The following ITPR3 variants were observed in gnomAD, a reference collection of about 807,000 sequenced individuals.
ITPR3 encodes the protein inositol 1,4,5-trisphosphate-gated calcium channel ITPR3.
ITPR3 carries 173 observed loss-of-function variants against 293.2 expected under a neutral mutation model. The ratio of observed to expected loss-of-function variants is 0.59; its 90% CI spans 0.52 to 0.67. The LOEUF (loss-of-function observed/expected upper bound fraction) is 0.67, where lower values mean the gene tolerates loss of function less well. Among genes scored for constraint, ITPR3 ranks in the 30% least tolerant of loss-of-function variants. ITPR3 has a pLI of 0.00. For missense variants in ITPR3, 2,796 were observed against 3,592.1 expected, an observed-to-expected ratio of 0.78 and a Z score of 5.66; for synonymous variants, 1,295 against 1,444.4, an observed-to-expected ratio of 0.90 and a Z score of 2.35.
Position 33,683,152 on chromosome 6 carries a change from G to A in ITPR3, c.4598-55G>A. ...GTGGCAGCCCTGAGCCTGGCCTCTG[G>A]CTGGCTGAACTGCCCCCGCACCAGC... On this transcript the variant is annotated intron_variant, in intron 34 of 57. Transcript: ENST00000605930. This position sits in a 1 kb window ranked among gnomAD's most constrained non-coding sequence, Gnocchi z 4.5. 1 of 1,353,724 alleles carries A rather than the reference G, an allele frequency of 7.4e-7. No homozygotes were observed. 83.9% of individuals were successfully genotyped at this position (1,353,724 alleles called of 1,614,324 possible).
chr6:33,675,707 C>A lies in ITPR3; in HGVS notation c.3133C>A (p.Leu1045Met). 1.2e-6 allele frequency: 2 copies of A among 1,605,600 alleles called. No homozygotes were observed. The highest frequency in any genetic ancestry group is 1.1e-5 in the South Asian group (1 of 89,780). ...MFGVGKTSSMLEVDDEGGRMF... is the reference protein window; with the variant it reads ...MFGVGKTSSMMEVDDEGGRMF... ...TGCCCGCAGGAAGACAAGCAGCATG[C>A]TGGAGGTGGATGACGAGGGCGGCCG... is the stretch of plus-strand genomic sequence containing the variant. The change falls in exon 25 of 58, where the codon CTG becomes ATG. Residue 1045 changes from leucine (L) to methionine (M), a missense_variant. Physicochemically the swap from Leu to Met is conservative, Grantham distance 15 (BLOSUM62 2). This residue lies in a region of ITPR3 where 955 missense variants were observed against 1,180.8 expected (regional missense o/e 0.81). Coordinates refer to ENST00000605930, the MANE Select transcript of ITPR3 (RefSeq NM_002224.4). The surrounding 1 kb of genome is among the most constrained non-coding windows in gnomAD (Gnocchi z 5.0).
chr6:33,657,624 T>G (rs1764340705), intron 3 of ITPR3, among the ~76,000 whole-genome samples: 2 of 145,424 alleles, frequency 1.4e-5, no homozygotes, highest in South Asian at 2.2e-4. Context: ...GTAAGGGGAT[T>G]GCGGGGGATG....
At chr6:33,677,362 G>A (rs1462102945) in intron 27 of ITPR3, 142 bp from the exon 28 acceptor site, 3 of 1,133,074 alleles carry the variant, frequency 2.6e-6, no homozygotes, top group East Asian at 2.4e-5. Flanking sequence ...TCCCTAGCCT[G>A]TTGCAAGGGT....
Position 33,633,625 on chromosome 6 carries a change from G to A in ITPR3, c.90-6859G>A, listed in dbSNP as rs1350175462. On this transcript the variant is annotated intron_variant, in intron 1 of 57. Transcript: ENST00000605930. This position sits in a 1 kb window ranked among gnomAD's most constrained non-coding sequence, Gnocchi z 5.2. ...CCCGGGCGCGTCTGGCGGAGGCGCGGCGTCCTGGCAGCGGCCGGCAGTCGG... is the reference window on the plus strand; with the variant it reads ...CCCGGGCGCGTCTGGCGGAGGCGCGACGTCCTGGCAGCGGCCGGCAGTCGG... 6.6e-6 allele frequency among the ~76,000 whole-genome samples: 1 copy of A among 151,412 alleles called. No individual in the cohort carries two copies. The highest frequency in any genetic ancestry group is 2.1e-4 in the South Asian group (1 of 4,830).
chr6:33,691,753 G>A lies in ITPR3; in HGVS notation c.7330+34G>A, dbSNP rs1384138058. ...GGTGTGTGTGCAGGAGTCTGTGTGG[G>A]GTAGGAGGAGCAGGCAGCCCGGGCC... On this transcript the variant is annotated intron_variant, in intron 53 of 57. Transcript: ENST00000605930. The surrounding 1 kb of genome is among the most constrained non-coding windows in gnomAD (Gnocchi z 4.9). 6.2e-7 allele frequency: 1 copy of A among 1,610,168 alleles called. No homozygotes were observed. The highest frequency in any genetic ancestry group is 1.7e-5 in the Admixed American group (1 of 59,216).
At position 33,662,401 on chromosome 6, in the gene ITPR3, T is replaced by G. The variant is rs1338313330; in HGVS notation, c.712-127T>G. ...CTCAGCTTGCATCCCCCTCTCTGTG[T>G]GCTGGCTCTGGAAGAGGGGCCCTGC... On this transcript the variant is annotated intron_variant, in intron 7 of 57. Coordinates refer to ENST00000605930, the MANE Select transcript of ITPR3 (RefSeq NM_002224.4). 1.8e-5 allele frequency: 20 copies of G among 1,105,706 alleles called. No homozygotes were observed. In the Admixed American group the frequency reaches 4.8e-4, roughly 27 times the overall value. 68.5% of individuals were successfully genotyped at this position (1,105,706 alleles called of 1,614,324 possible).
intron 1 of ITPR3, among the ~76,000 whole-genome samples, chr6:33,639,531 C>G (rs1273790225): frequency 6.6e-6 from 1 of 152,144 alleles, no homozygotes; most frequent in Admixed American, 6.5e-5. Flanking sequence ...GCACTAAAAA[C>G]AAGCCCCTTG....
At position 33,679,918 on chromosome 6, in the gene ITPR3, A is replaced by G. The variant is rs766574352; in HGVS notation, c.4009A>G (p.Asn1337Asp). The change falls in exon 31 of 58, where the codon AAT becomes GAT. Residue 1337 changes from asparagine to aspartate, a missense_variant. Physicochemically the swap from Asn to Asp is conservative, Grantham distance 23 (BLOSUM62 1). Around this residue, in one of 8 missense-constraint regions of ITPR3, gnomAD observed 344 missense variants for 460.3 expected, o/e 0.75. Transcript: ENST00000605930. The surrounding 1 kb of genome is among the most constrained non-coding windows in gnomAD (Gnocchi z 4.2). ...AGGTGACGATGTGGTCGTGTTCTAC[A>G]ATGATAAGGCATCGCTGGCCCACCT... is the stretch of plus-strand genomic sequence containing the variant. ...NAGDDVVVFYNDKASLAHLLD... is the reference protein window; with the variant it reads ...NAGDDVVVFYDDKASLAHLLD... The G allele has an allele frequency of 6.2e-7, 1 of 1,613,790 alleles. No homozygotes were observed. Among genetic ancestry groups the G allele is most frequent in the African/African-American group, 1.3e-5 (1 of 75,022 alleles).
chr6:33,635,405 A>G (rs994217888), intron 1 of ITPR3, among the ~76,000 whole-genome samples: 1 of 152,168 alleles, frequency 6.6e-6, no homozygotes, highest in Non-Finnish European at 1.5e-5. Flanking sequence ...AGCTAGTAAA[A>G]TGAATTAATT....
chr6:33,666,480 G>C lies in ITPR3; in HGVS notation c.1551+504G>C, dbSNP rs1352058030. Among the ~76,000 whole-genome samples the C allele has an allele frequency of 5.9e-5, 9 of 152,132 alleles. No homozygotes were observed. The East Asian group carries it at 1.7e-3, about 29-fold the overall frequency. On this transcript the variant is annotated intron_variant, in intron 14 of 57. Coordinates refer to ENST00000605930, the MANE Select transcript of ITPR3 (RefSeq NM_002224.4). The surrounding 1 kb of genome is among the most constrained non-coding windows in gnomAD (Gnocchi z 5.1). Reference sequence around the variant, plus strand: ...ATTTTACACCCAAAAGTTTCAGCAGGCATCCCTAACAATAGGGACATTGCC... The same window carrying C: ...ATTTTACACCCAAAAGTTTCAGCAGCCATCCCTAACAATAGGGACATTGCC...
chr6:33,659,051 C>T lies in ITPR3; in HGVS notation c.559C>T (p.Pro187Ser), dbSNP rs571328324. 80 of 1,614,138 alleles carry T rather than the reference C, an allele frequency of 5.0e-5. 1 individual carries two copies. The South Asian group carries it at 8.0e-4, about 16-fold the overall frequency. ...VVVGDKVILN[P>S]VNAGQPLHAS... Reference sequence around the variant, plus strand: ...CGTGGGGGACAAGGTGATCCTGAATCCTGTCAATGCCGGGCAGCCTCTGCA... The same window carrying T: ...CGTGGGGGACAAGGTGATCCTGAATTCTGTCAATGCCGGGCAGCCTCTGCA... The change falls in exon 6 of 58, where the codon CCT (proline) becomes TCT (serine). Residue 187 changes from proline to serine, a missense_variant. Around this residue, in one of 8 missense-constraint regions of ITPR3, gnomAD observed 144 missense variants for 230.8 expected, o/e 0.62. Coordinates refer to ENST00000605930, the MANE Select transcript of ITPR3 (RefSeq NM_002224.4).
intron 2 of ITPR3, among the ~76,000 whole-genome samples, chr6:33,653,319 T>G (rs1764236204): frequency 6.6e-6 from 1 of 151,140 alleles, no homozygotes; most frequent in Admixed American, 6.6e-5. Flanking sequence ...TTCGTCATGT[T>G]GCCCAGGCCA....
At position 33,684,316 on chromosome 6, in the gene ITPR3, C is replaced by G; in HGVS notation, c.4938-41C>G. 1 of 1,595,472 alleles carries G rather than the reference C, an allele frequency of 6.3e-7. No individual in the cohort carries two copies. Among genetic ancestry groups the G allele is most frequent in the Non-Finnish European group, 8.6e-7 (1 of 1,163,952 alleles). ...GGGTGGGGAAGTAGCTGGAGGGAGG[C>G]AGTGTGGGGCTGCCCTGAGCTGCCT... is the stretch of plus-strand genomic sequence containing the variant. On this transcript the variant is annotated intron_variant, in intron 36 of 57. Coordinates refer to ENST00000605930, the MANE Select transcript of ITPR3 (RefSeq NM_002224.4). The surrounding 1 kb of genome is among the most constrained non-coding windows in gnomAD (Gnocchi z 4.2).
In ITPR3 at chr6:33,670,586, G is replaced by C. The variant is rs751698421; in HGVS notation, c.2441+10G>C. ...CCATCACCATCAAGGAGTGAGAGGG[G>C]TGGAGGCAGGGTGGGCGGGGCAGGG... is the stretch of plus-strand genomic sequence containing the variant. On this transcript the variant is annotated intron_variant, in intron 19 of 57. Transcript: ENST00000605930. This position sits in a 1 kb window ranked among gnomAD's most constrained non-coding sequence, Gnocchi z 6.7. 1 of 1,612,470 alleles carries C rather than the reference G, an allele frequency of 6.2e-7. No individual in the cohort carries two copies. The highest frequency in any genetic ancestry group is 1.1e-5 in the South Asian group (1 of 91,052).
At chr6:33,674,173 C>T in intron 23 of ITPR3, 35 bp from the exon 24 acceptor site, 1 of 1,613,192 alleles carries the variant, frequency 6.2e-7, no homozygotes, top group Non-Finnish European at 8.5e-7. Flanking sequence ...CGGGCTGGGC[C>T]TACAATCTGC....
chr6:33,628,784 C>T (rs759858206), intron 1 of ITPR3, among the ~76,000 whole-genome samples: 1 of 152,080 alleles, frequency 6.6e-6, no homozygotes, highest in Non-Finnish European at 1.5e-5. Flanking sequence ...AATCTCAGTC[C>T]AGGAGCAGCT....
rs200910400 is a variant in ITPR3, at chr6:33,668,974, G to T, written c.2007G>T (p.Glu669Asp). ...GTGACAGGTTGCTGGTGGTCTGCAGGCTTCGGCCCGTGAAGGAGATGGCCC... is the reference window on the plus strand; with the variant it reads ...GTGACAGGTTGCTGGTGGTCTGCAGTCTTCGGCCCGTGAAGGAGATGGCCC... Reference protein sequence around the residue: ...PKNSDILIRTELRPVKEMAQS... With the variant: ...PKNSDILIRTDLRPVKEMAQS... Residue 669 changes from glutamate (E) to aspartate (D), a missense_variant and splice_region_variant, in exon 18 of 58, where the codon GAG becomes GAT. Glu to Asp is a conservative substitution (Grantham distance 45). This residue lies in a region of ITPR3 where 955 missense variants were observed against 1,180.8 expected (regional missense o/e 0.81). Transcript: ENST00000605930. The T allele has an allele frequency of 6.2e-7, 1 of 1,613,150 alleles. No individual in the cohort carries two copies. Among genetic ancestry groups the T allele is most frequent in the African/African-American group, 1.3e-5 (1 of 74,926 alleles).
At chr6:33,627,961 C>T (rs1221959492) in intron 1 of ITPR3, among the ~76,000 whole-genome samples, 1 of 152,238 alleles carries the variant, frequency 6.6e-6, no homozygotes, top group Admixed American at 6.5e-5. Flanking sequence ...TCCAACTGCT[C>T]GGCCTGAATC....
chr6:33,672,481 G>A lies in ITPR3; in HGVS notation c.2928+253G>A, dbSNP rs1437996248. Among the ~76,000 whole-genome samples, 1 of 152,130 alleles carries A rather than the reference G, an allele frequency of 6.6e-6. No individual in the cohort carries two copies. Among genetic ancestry groups the A allele is most frequent in the Non-Finnish European group, 1.5e-5 (1 of 68,028 alleles). On this transcript the variant is annotated intron_variant, in intron 22 of 57. Transcript: ENST00000605930. The surrounding 1 kb of genome is among the most constrained non-coding windows in gnomAD (Gnocchi z 5.0). ...CGCCTGTAATCCCAGTGCTTTGGGA[G>A]GCCAAGGTGGGAGGACTGCTTGAGC...
Sources: gnomAD v4.1 joint callset for allele counts (sites outside exome capture counted in the v4.1 genomes callset) on GRCh38, gnomAD v4.1.1 for gene constraint, gnomAD v4.1.1 regional missense constraint, Gnocchi (gnomAD v3.1) non-coding constraint, MANE v1.5 for transcripts, NCBI Gene and HGNC (gene_info 2026-07-23, HGNC 2026-07-21) for gene names.